Variants in KSR1 observed in about 807,000 individuals in gnomAD.
The protein encoded by KSR1 is kinase suppressor of ras 1.
A neutral mutation model predicts 92.9 loss-of-function variants in KSR1; 35 were observed. The ratio of observed to expected loss-of-function variants is 0.38; its 90% CI spans 0.29 to 0.50. The LOEUF (loss-of-function observed/expected upper bound fraction) is 0.50. Among genes scored for constraint, KSR1 ranks in the 20% least tolerant of loss-of-function variants. KSR1 has a pLI of 0.94. For missense variants in KSR1, 972 were observed against 1,158.5 expected (o/e 0.84, Z 2.34); for synonymous variants, 467 against 472.6 (o/e 0.99, Z 0.15).
At chr17:27,606,411 T>C (rs1156628737) in intron 14 of KSR1, among the ~76,000 whole-genome samples, 1 of 152,222 alleles carries the variant, frequency 6.6e-6, no homozygotes, top group Non-Finnish European at 1.5e-5. Context: ...AGGAAGACAT[T>C]TGCATATACT....
chr17:27,604,480 AG>A (rs747677664), intron 12 of KSR1, among the ~76,000 whole-genome samples, 199 bp from the exon 13 acceptor site: 4 of 152,174 alleles, frequency 2.6e-5, no homozygotes, highest in African/African-American at 4.8e-5. Context: ...AAGTTAGCCT[AG>A]GGAAGGCTGA....
In KSR1 at chr17:27,567,538, T is replaced by A. The variant is rs114556428; in HGVS notation, c.373-9954T>A. On this transcript the variant is annotated intron_variant, in intron 2 of 20. Transcript: ENST00000644974. The stretch of plus-strand genomic sequence containing the variant: ...GCCTAGGACCTGGCTAGGCTTCAGG[T>A]GAGGCCACGAGCCCAGAGCCGCATT... Among the ~76,000 whole-genome samples, 1,154 of 152,270 alleles carry A rather than the reference T, an allele frequency of 7.6e-3. 14 individuals are homozygous for A. Among genetic ancestry groups the A allele is most frequent in the African/African-American group, 0.027 (1,115 of 41,558 alleles).
At chr17:27,484,281 G>C (rs1216456249) in intron 1 of KSR1, among the ~76,000 whole-genome samples, 2 of 152,210 alleles carry the variant, frequency 1.3e-5, no homozygotes, top group Admixed American at 1.3e-4. Flanking sequence ...GCCCAGGCTG[G>C]AGTGCAGTGG....
chr17:27,609,964 G>C, intron 16 of KSR1, 103 bp from the exon 17 acceptor site: 2 of 1,459,868 alleles, frequency 1.4e-6, no homozygotes, highest in South Asian at 1.3e-5. Context: ...TTTCTAAGCT[G>C]TGTGTGGGTG....
chr17:27,587,156 A>G, intron 5 of KSR1: 1 of 152,456 alleles, frequency 6.6e-6, no homozygotes. Context: ...TACAGGTGTG[A>G]GCCACTGCGC....
At chr17:27,623,287 A>T in intron 20 of KSR1, 27 bp from the exon 21 acceptor site, 2 of 760,300 alleles carry the variant, frequency 2.6e-6, no homozygotes, top group Non-Finnish European at 4.8e-6. Flanking sequence ...ATGGGGCTAT[A>T]ATTCTTGTTT....
chr17:27,569,179 A>G (rs1461885298), intron 2 of KSR1, among the ~76,000 whole-genome samples: 1 of 152,244 alleles, frequency 6.6e-6, no homozygotes, highest in African/African-American at 2.4e-5. Flanking sequence ...AAATGTTACA[A>G]AACATCCTGG....
At chr17:27,533,692 A>AT in intron 1 of KSR1, among the ~76,000 whole-genome samples, 1 of 152,104 alleles carries the variant, frequency 6.6e-6, no homozygotes, top group East Asian at 1.9e-4. Flanking sequence ...GCAACCATTC[A>AT]TTTTTTTAAA....
At chr17:27,609,997 C>T (rs1287339606) in intron 16 of KSR1, 70 bp from the exon 17 acceptor site, 12 of 1,589,084 alleles carry the variant, frequency 7.6e-6, no homozygotes, top group Non-Finnish European at 9.4e-6. Flanking sequence ...TGGGGCAGAC[C>T]TGTGCCAGGC....
intron 2 of KSR1, 71 bp downstream of exon 2, chr17:27,550,779 G>T (rs2071370462): frequency 4.2e-6 from 3 of 718,092 alleles, no homozygotes. Flanking sequence ...ACAAACCCGA[G>T]GGCTAGCTTC....
chr17:27,545,751 C>T (rs548184897), intron 1 of KSR1, among the ~76,000 whole-genome samples: 8 of 152,264 alleles, frequency 5.3e-5, no homozygotes, highest in Admixed American at 3.3e-4. Context: ...TCCTTGTAGG[C>T]GGAGAGTCAC....
intron 1 of KSR1, among the ~76,000 whole-genome samples, chr17:27,492,409 C>T (rs12936308): frequency 6.6e-6 from 1 of 152,202 alleles, no homozygotes; most frequent in African/African-American, 2.4e-5. Flanking sequence ...CCCGTGAATT[C>T]CTTTCTAGGA....
rs773797374 is a variant in KSR1, at chr17:27,577,554, G to A, written c.435G>A (p.Glu145=). The A allele has an allele frequency of 6.2e-7, 1 of 1,605,938 alleles. No individual in the cohort carries two copies. The highest frequency in any genetic ancestry group is 1.1e-5 in the South Asian group (1 of 89,838). Residue 145 remains glutamate, a synonymous_variant, in exon 3 of 21, where the codon GAG becomes GAA. Coordinates refer to ENST00000644974, the MANE Select transcript of KSR1 (RefSeq NM_001394583.1). The surrounding 1 kb of genome is among the most constrained non-coding windows in gnomAD (Gnocchi z 4.5). The stretch of plus-strand genomic sequence containing the variant: ...AGATGAATGAGGCCAAGGTGAAGGA[G>A]ACGCTGCGGCGCTGTGGGGCCAGCG... The part of the protein sequence containing the change: ...LLEMNEAKVK[E]TLRRCGASGD...
chr17:27,486,256 G>A (rs972657344), intron 1 of KSR1, among the ~76,000 whole-genome samples: 2 of 152,196 alleles, frequency 1.3e-5, no homozygotes, highest in African/African-American at 4.8e-5. Flanking sequence ...GACAAGGGTG[G>A]TATTTAACAA....
At chr17:27,501,785 C>T (rs112548829) in intron 1 of KSR1, among the ~76,000 whole-genome samples, 5,085 of 152,332 alleles carry the variant, frequency 0.033, 267 homozygotes, top group African/African-American at 0.12. Flanking sequence ...AGGCGTGAGC[C>T]GCTGCACCCA....
At chr17:27,586,947 A>T (rs1350123761) in intron 5 of KSR1, among the ~76,000 whole-genome samples, 3 of 152,194 alleles carry the variant, frequency 2.0e-5, no homozygotes, top group African/African-American at 7.2e-5. Context: ...ATCTCAGCTC[A>T]CTGCAGCCTC....
intron 4 of KSR1, among the ~76,000 whole-genome samples, chr17:27,585,068 C>T (rs1168245815): frequency 2.6e-5 from 4 of 152,212 alleles, no homozygotes; most frequent in Non-Finnish European, 5.9e-5. Context: ...TCCCGAGTAG[C>T]TGGGATTACA....
intron 5 of KSR1, 65 bp downstream of exon 5, chr17:27,585,726 C>G: frequency 1.4e-6 from 1 of 734,268 alleles, no homozygotes; most frequent in Non-Finnish European, 2.5e-6. Flanking sequence ...CTGTCCCCAT[C>G]GGGGGTGGAC....
intron 2 of KSR1, among the ~76,000 whole-genome samples, chr17:27,560,742 T>TC (rs2071795846): frequency 6.6e-6 from 1 of 152,178 alleles, no homozygotes; most frequent in Middle Eastern, 3.2e-3. Flanking sequence ...ACTATGGCCC[T>TC]CATTCCTAGC....
Sources: gnomAD v4.1 joint callset for allele counts (sites outside exome capture counted in the v4.1 genomes callset) on GRCh38, gnomAD v4.1.1 for gene constraint, Gnocchi (gnomAD v3.1) non-coding constraint, MANE v1.5 for transcripts, NCBI Gene and HGNC (gene_info 2026-07-23, HGNC 2026-07-21) for gene names.